The following CYFIP1 variants were observed in gnomAD, a reference collection of about 807,000 sequenced individuals.
CYFIP1 encodes cytoplasmic FMR1 interacting protein 1, also known as cytoplasmic FMR1-interacting protein 1.
A neutral mutation model predicts 163.5 loss-of-function variants in CYFIP1; 58 were observed. The ratio of observed to expected loss-of-function variants is 0.35; its 90% CI spans 0.29 to 0.44. The LOEUF is 0.44. Among genes scored for constraint, CYFIP1 ranks in the 20% least tolerant of loss-of-function variants. CYFIP1 has a pLI of 1.00. For missense variants in CYFIP1, 1,338 were observed against 1,653.8 expected, an observed-to-expected ratio of 0.81 and a Z score of 3.31; for synonymous variants, 663 against 660.7, an observed-to-expected ratio of 1.00 and a Z score of -0.05.
At chr15:22,951,199 C>T (rs1361038216) in intron 1 of CYFIP1, among the ~76,000 whole-genome samples, 1 of 152,132 alleles carries the variant, frequency 6.6e-6, no homozygotes, top group East Asian at 1.9e-4. Flanking sequence ...ACAGAGGCAC[C>T]GGCCGCACCG....
At chr15:22,888,037 G>C (rs1353332619) in intron 23 of CYFIP1, among the ~76,000 whole-genome samples, 1 of 152,150 alleles carries the variant, frequency 6.6e-6, no homozygotes, top group African/African-American at 2.4e-5. Flanking sequence ...AAGAATACTA[G>C]TTAATGTGCT....
At chr15:22,894,396 T>A (rs1454853474) in intron 22 of CYFIP1, among the ~76,000 whole-genome samples, 1 of 149,118 alleles carries the variant, frequency 6.7e-6, no homozygotes, top group Non-Finnish European at 1.5e-5. Flanking sequence ...TTCAAACGAT[T>A]CTCCTGCCTC....
chr15:22,906,560 G>C (rs1357127807), intron 21 of CYFIP1, among the ~76,000 whole-genome samples: 1 of 150,930 alleles, frequency 6.6e-6, no homozygotes, highest in African/African-American at 2.4e-5. Context: ...CCGCCTCCCG[G>C]GTTCACGCCA....
rs938827408 is a variant in CYFIP1 at position 22,924,208 on chromosome 15, G to GAGGTC, written c.1359+1769_1359+1773dup. Among the ~76,000 whole-genome samples, 47 of 152,238 alleles carry GAGGTC rather than the reference G, an allele frequency of 3.1e-4. 2 individuals are homozygous for GAGGTC. In the South Asian group the frequency reaches 9.0e-3, roughly 29 times the overall value. ...GAAGCCCAAGGCAGGCGGATTACCT[G>GAGGTC]AGGTCAGGAGTTTGAGACCAGCCCG... On this transcript the variant is annotated intron_variant, in intron 13 of 30. Coordinates refer to ENST00000617928, the MANE Select transcript of CYFIP1 (RefSeq NM_014608.6).
intron 9 of CYFIP1, among the ~76,000 whole-genome samples, chr15:22,934,850 A>G (rs994694134): frequency 7.1e-6 from 1 of 141,750 alleles, no homozygotes; most frequent in Non-Finnish European, 1.6e-5. Context: ...TTAAAGAGAA[A>G]TACTTTGCAA....
chr15:22,969,359 G>C (rs1485927999), intron 1 of CYFIP1, among the ~76,000 whole-genome samples: 2 of 152,154 alleles, frequency 1.3e-5, no homozygotes, highest in African/African-American at 2.4e-5. Context: ...GTTGGAGGGG[G>C]AGCGACCAGG....
Position 22,946,992 on chromosome 15 carries a change from C to G in CYFIP1, c.207+11G>C, listed in dbSNP as rs113757728. ...TCTGCAGAGAGAAACAAAGACACAC[C>G]GCAACATTACCATGCTAGAGTGGAC... On this transcript the variant is annotated intron_variant, in intron 3 of 30. Coordinates refer to ENST00000617928, the MANE Select transcript of CYFIP1 (RefSeq NM_014608.6). The G allele has an allele frequency of 1.2e-6, 2 of 1,611,008 alleles. No homozygotes were observed. Among genetic ancestry groups the G allele is most frequent in the Non-Finnish European group, 1.7e-6 (2 of 1,177,154 alleles).
chr15:22,874,762 C>G (rs1038205848), intron 27 of CYFIP1, 118 bp from the exon 28 acceptor site: 1 of 678,028 alleles, frequency 1.5e-6, no homozygotes, highest in Admixed American at 3.7e-5. Context: ...GATACAGATT[C>G]TCTTTGAAAA....
intron 4 of CYFIP1, 41 bp downstream of exon 4, chr15:22,944,821 C>T: frequency 6.3e-7 from 1 of 1,599,702 alleles, no homozygotes; most frequent in Non-Finnish European, 8.6e-7. Context: ...AGGGGCCTGG[C>T]AGGGTGTGGC....
chr15:22,922,768 G>T (rs1044423391), intron 13 of CYFIP1, among the ~76,000 whole-genome samples: 2 of 152,202 alleles, frequency 1.3e-5, no homozygotes, highest in Non-Finnish European at 2.9e-5. Context: ...AAGGCGGGTA[G>T]ATCACCTGAG....
At chr15:22,957,981 G>A (rs1361679434) in intron 1 of CYFIP1, among the ~76,000 whole-genome samples, 2 of 152,194 alleles carry the variant, frequency 1.3e-5, no homozygotes, top group South Asian at 2.1e-4. Context: ...AGGTTAAACG[G>A]CCTGACCGCA....
At chr15:22,923,268 T>TA (rs2061248288) in intron 13 of CYFIP1, among the ~76,000 whole-genome samples, 1 of 152,060 alleles carries the variant, frequency 6.6e-6, no homozygotes, top group Non-Finnish European at 1.5e-5. Context: ...AACTCAATAA[T>TA]AAAAAAGATA....
intron 23 of CYFIP1, among the ~76,000 whole-genome samples, chr15:22,888,191 A>G (rs74328285): frequency 0.016 from 2,432 of 152,286 alleles, 69 homozygotes; most frequent in African/African-American, 0.056. Flanking sequence ...TATTCATAAA[A>G]AAAGCACTAA....
chr15:22,939,576 A>G, intron 6 of CYFIP1, 69 bp from the exon 7 acceptor site: 1 of 1,073,340 alleles, frequency 9.3e-7, no homozygotes, highest in Non-Finnish European at 1.3e-6. Context: ...AAAAAAAAAA[A>G]AAAAAGCCTG....
In CYFIP1 at chr15:22,909,755, C is replaced by T. The variant is rs185915018; in HGVS notation, c.2269-442G>A. 6.3e-4 allele frequency among the ~76,000 whole-genome samples: 95 copies of T among 151,430 alleles called. 4 individuals carry two copies. In the South Asian group the frequency reaches 9.4e-3, roughly 15 times the overall value. ...TTTCTTTTTTTAATGTTTGTGGGTA[C>T]GCAGTAAGTGTACATATTTATGGGG... On this transcript the variant is annotated intron_variant, in intron 20 of 30. Transcript: ENST00000617928.
intron 6 of CYFIP1, among the ~76,000 whole-genome samples, chr15:22,942,149 A>G (rs1191599979): frequency 6.6e-6 from 1 of 152,248 alleles, no homozygotes; most frequent in Non-Finnish European, 1.5e-5. Context: ...ATTATTTCAC[A>G]TGAATGAGGC....
At chr15:22,964,349 T>TCACACACACACACACACA (rs1206406734) in intron 1 of CYFIP1, among the ~76,000 whole-genome samples, 7 of 39,580 alleles carry the variant, frequency 1.8e-4, no homozygotes, top group African/African-American at 5.5e-4. Context: ...CGCAACCTCA[T>TCACACACACACACACACA]CACTCACACA....
At chr15:22,959,593 A>G (rs2062606307) in intron 1 of CYFIP1, among the ~76,000 whole-genome samples, 2 of 152,180 alleles carry the variant, frequency 1.3e-5, no homozygotes, top group Non-Finnish European at 2.9e-5. Context: ...GCGCTTGACA[A>G]AGCAATTCCA....
chr15:22,907,372 A>C (rs1183576436), intron 21 of CYFIP1, among the ~76,000 whole-genome samples: 1 of 152,162 alleles, frequency 6.6e-6, no homozygotes, highest in Non-Finnish European at 1.5e-5. Context: ...AGTGTTGACT[A>C]AAGGACTGTG....
Sources: allele counts gnomAD v4.1 joint callset (sites outside exome capture counted in the v4.1 genomes callset), GRCh38; gene constraint gnomAD v4.1.1; transcripts MANE v1.5; gene names NCBI Gene and HGNC (gene_info 2026-07-23, HGNC 2026-07-21).